Variants in PTPRD observed in about 807,000 individuals in gnomAD.
The protein encoded by PTPRD is protein tyrosine phosphatase receptor type D.
A neutral mutation model predicts 214.5 loss-of-function variants in PTPRD; 34 were observed. That is an observed-to-expected ratio of 0.16 (90% confidence interval 0.12 to 0.21). The LOEUF (loss-of-function observed/expected upper bound fraction) is 0.21. PTPRD is among the 10% of genes least tolerant of loss of function. PTPRD has a pLI of 1.00. For synonymous variants in PTPRD, 1,128 were observed against 845.7 expected (o/e 1.33, Z -5.79); for missense variants, 2,545 against 2,398.7 (o/e 1.06, Z -1.27).
intron 2 of PTPRD, among the ~76,000 whole-genome samples, chr9:10,533,857 T>C (rs564793726): frequency 7.9e-5 from 12 of 151,870 alleles, no homozygotes; most frequent in Non-Finnish European, 1.8e-4. Flanking sequence ...ATAAAAACAC[T>C]ATTTTATAAG....
chr9:8,521,159 C>T, intron 20 of PTPRD, 118 bp downstream of exon 20: 1 of 1,207,608 alleles, frequency 8.3e-7, no homozygotes, highest in Non-Finnish European at 1.1e-6. Flanking sequence ...AGGTTATACA[C>T]ACATTTAAAA....
intron 8 of PTPRD, among the ~76,000 whole-genome samples, chr9:9,427,920 C>T (rs985596939): frequency 7.2e-5 from 11 of 152,112 alleles, no homozygotes; most frequent in South Asian, 2.1e-4. Flanking sequence ...AAGCACTAAA[C>T]GTGGAAAGGA....
chr9:9,019,408 T>C (rs1008526127), intron 10 of PTPRD, among the ~76,000 whole-genome samples: 1 of 152,136 alleles, frequency 6.6e-6, no homozygotes, highest in African/African-American at 2.4e-5. Context: ...CTTTTAATTA[T>C]ATACCTCGAA....
At chr9:9,140,575 C>G (rs1211075095) in intron 10 of PTPRD, among the ~76,000 whole-genome samples, 1 of 152,092 alleles carries the variant, frequency 6.6e-6, no homozygotes, top group Non-Finnish European at 1.5e-5. Flanking sequence ...AGAAACAGTG[C>G]TACATCTTTT....
intron 11 of PTPRD, among the ~76,000 whole-genome samples, chr9:8,993,788 A>G (rs2099386507): frequency 6.6e-6 from 1 of 152,128 alleles, no homozygotes; most frequent in Non-Finnish European, 1.5e-5. Flanking sequence ...TTCTTTCTTT[A>G]TGAAATGTTT....
At chr9:9,149,887 A>G (rs2099875179) in intron 10 of PTPRD, among the ~76,000 whole-genome samples, 1 of 152,200 alleles carries the variant, frequency 6.6e-6, no homozygotes, top group African/African-American at 2.4e-5. Flanking sequence ...CATGTATGAG[A>G]TAGTCTTTCC....
intron 3 of PTPRD, among the ~76,000 whole-genome samples, chr9:10,079,743 A>C (rs2098201742): frequency 6.6e-6 from 1 of 152,136 alleles, no homozygotes; most frequent in Non-Finnish European, 1.5e-5. Context: ...GGATACATTA[A>C]GGTTCGTTTT....
At chr9:8,874,544 C>T (rs1476501984) in intron 11 of PTPRD, among the ~76,000 whole-genome samples, 2 of 152,132 alleles carry the variant, frequency 1.3e-5, no homozygotes, top group Admixed American at 1.3e-4. Context: ...TACTCTTCAC[C>T]CTCATCTCAA....
At chr9:9,548,029 C>G (rs937806519) in intron 8 of PTPRD, among the ~76,000 whole-genome samples, 14 of 152,088 alleles carry the variant, frequency 9.2e-5, no homozygotes, top group Admixed American at 3.3e-4. Flanking sequence ...AAGAAAAACA[C>G]TGCTGTCCAA....
chr9:9,104,620 A>G (rs1569542926), intron 10 of PTPRD, among the ~76,000 whole-genome samples: 3 of 152,200 alleles, frequency 2.0e-5, no homozygotes, highest in Non-Finnish European at 4.4e-5. Context: ...GTTGGACAGT[A>G]TCTAACCTCA....
intron 6 of PTPRD, among the ~76,000 whole-genome samples, chr9:9,739,365 G>A (rs1444713603): frequency 1.3e-5 from 2 of 152,004 alleles, no homozygotes; most frequent in East Asian, 3.9e-4. Flanking sequence ...TTATAATAAA[G>A]GGTTTTTTTG....
chr9:10,029,130 C>T (rs1457629519), intron 4 of PTPRD, among the ~76,000 whole-genome samples: 2 of 152,208 alleles, frequency 1.3e-5, no homozygotes, highest in African/African-American at 4.8e-5. Flanking sequence ...TGTGACTACA[C>T]AGAAGTCAAG....
chr9:9,200,863 T>C lies in PTPRD; in HGVS notation c.-202-17500A>G, dbSNP rs2099941427. Among the ~76,000 whole-genome samples, 3 of 152,244 alleles carry C rather than the reference T, an allele frequency of 2.0e-5. No homozygotes were observed. The South Asian group carries it at 6.2e-4, about 32-fold the overall frequency. ...AAGCTTACACAAAACCATCATTGAT[T>C]ACATTTCCCCATGTGGTTTTCCTCT... On this transcript the variant is annotated intron_variant, in intron 9 of 45. Coordinates refer to ENST00000381196, the MANE Select transcript of PTPRD (RefSeq NM_002839.4).
In PTPRD at chr9:9,547,723, T is replaced by A. The variant is rs1158393248; in HGVS notation, c.-237+27009A>T. Among the ~76,000 whole-genome samples the A allele has an allele frequency of 2.0e-5, 3 of 151,914 alleles. No homozygotes were observed. In the East Asian group the frequency reaches 5.8e-4, roughly 30 times the overall value. On this transcript the variant is annotated intron_variant, in intron 8 of 45. Transcript: ENST00000381196. Reference sequence around the variant, plus strand: ...AGTATTTGAAGGCTATTTTCCAAACTTTTCCAATTGTTTTCCCAATTTGAT... The same window carrying A: ...AGTATTTGAAGGCTATTTTCCAAACATTTCCAATTGTTTTCCCAATTTGAT...
At chr9:8,440,774 A>C (rs1228932833) in intron 34 of PTPRD, among the ~76,000 whole-genome samples, 1 of 152,222 alleles carries the variant, frequency 6.6e-6, no homozygotes, top group Non-Finnish European at 1.5e-5. Context: ...AATAGGGTAC[A>C]TATTGGTGAG....
intron 12 of PTPRD, among the ~76,000 whole-genome samples, chr9:8,642,844 G>A (rs553685625): frequency 6.6e-6 from 1 of 152,226 alleles, no homozygotes; most frequent in African/African-American, 2.4e-5. Flanking sequence ...GACAAGGGTA[G>A]TGACAGACAA....
intron 36 of PTPRD, among the ~76,000 whole-genome samples, chr9:8,395,325 C>T (rs1476334618): frequency 1.3e-5 from 2 of 152,156 alleles, no homozygotes; most frequent in East Asian, 3.9e-4. Context: ...TGCAATTTTA[C>T]AACAATGTGG....
At chr9:9,042,267 C>A (rs952396124) in intron 10 of PTPRD, among the ~76,000 whole-genome samples, 1 of 152,148 alleles carries the variant, frequency 6.6e-6, no homozygotes, top group Admixed American at 6.6e-5. Flanking sequence ...GCTTCCCTAC[C>A]AGTTTTACTG....
At position 9,966,236 on chromosome 9, in the gene PTPRD, C is replaced by T. The variant is rs532157426; in HGVS notation, c.-471-27626G>A. Among the ~76,000 whole-genome samples the T allele has an allele frequency of 3.3e-5, 5 of 152,266 alleles. No individual in the cohort carries two copies. In the South Asian group the frequency reaches 1.0e-3, roughly 32 times the overall value. The stretch of plus-strand genomic sequence containing the variant: ...CGCAACACAAGGAAAGATTTATTCT[C>T]AACTTCTAATTTATCAATAAAATAT... On this transcript the variant is annotated intron_variant, in intron 4 of 45. Coordinates refer to ENST00000381196, the MANE Select transcript of PTPRD (RefSeq NM_002839.4).
Sources: gnomAD v4.1 joint callset for allele counts (sites outside exome capture counted in the v4.1 genomes callset) on GRCh38, gnomAD v4.1.1 for gene constraint, MANE v1.5 for transcripts, NCBI Gene and HGNC (gene_info 2026-07-23, HGNC 2026-07-21) for gene names.